The following SDK1 variants were observed in gnomAD, a reference collection of about 807,000 sequenced individuals.
The protein encoded by SDK1 is protein sidekick-1.
A neutral mutation model predicts 245.5 loss-of-function variants in SDK1; 157 were observed. That is an observed-to-expected ratio of 0.64 (90% CI 0.56 to 0.73). The LOEUF is 0.73. Among genes scored for constraint, SDK1 ranks in the 30% least tolerant of loss-of-function variants. The pLI is 0.00. For missense variants in SDK1, 3,583 were observed against 3,002.3 expected (o/e 1.19, Z -4.52); for synonymous variants, 1,647 against 1,278.5 (o/e 1.29, Z -6.15).
chr7:3,838,868 A>G (rs140200825), intron 5 of SDK1, among the ~76,000 whole-genome samples: 116 of 152,366 alleles, frequency 7.6e-4, no homozygotes, highest in Middle Eastern at 6.8e-3. Context: ...ACAGGGAAAT[A>G]TAAGTTAGAC....
chr7:3,408,047 T>C (rs1779098654), intron 1 of SDK1, among the ~76,000 whole-genome samples: 1 of 147,328 alleles, frequency 6.8e-6, no homozygotes, highest in Admixed American at 6.8e-5. Flanking sequence ...CATTCTTTCA[T>C]TTTTTTTTTT....
At chr7:4,156,219 G>T (rs953011994) in intron 30 of SDK1, among the ~76,000 whole-genome samples, 6 of 152,150 alleles carry the variant, frequency 3.9e-5, no homozygotes, top group African/African-American at 1.2e-4. Context: ...AGCCAGTGGG[G>T]CTATGGTGGG....
intron 1 of SDK1, among the ~76,000 whole-genome samples, chr7:3,467,252 C>T (rs1160548554): frequency 6.6e-6 from 1 of 151,868 alleles, no homozygotes; most frequent in Non-Finnish European, 1.5e-5. Context: ...ATTAAAAGCA[C>T]AGTGAAATTT....
chr7:3,602,413 T>C (rs1288980592), intron 1 of SDK1, among the ~76,000 whole-genome samples: 2 of 150,870 alleles, frequency 1.3e-5, no homozygotes, highest in Non-Finnish European at 3.0e-5. Context: ...TTGATTTGCA[T>C]TTATCTGATG....
chr7:3,642,152 C>G (rs1306815223), intron 4 of SDK1, 47 bp downstream of exon 4: 2 of 1,575,722 alleles, frequency 1.3e-6, no homozygotes, highest in Middle Eastern at 1.7e-4. Context: ...TGTAATGTCA[C>G]TTGCTGGCAC....
chr7:4,154,278 G>A lies in SDK1; in HGVS notation c.4626-4170G>A, dbSNP rs562977662. On this transcript the variant is annotated intron_variant, in intron 30 of 44. Coordinates refer to ENST00000404826, the MANE Select transcript of SDK1 (RefSeq NM_152744.4). ...TACAAACTGGCTTTCTAAATATATC[G>A]GTTATTGATTTGGGGTAAGCAAGAG... Among the ~76,000 whole-genome samples, 301 of 152,284 alleles carry A rather than the reference G, an allele frequency of 2.0e-3. 1 individual carries two copies. Among genetic ancestry groups the A allele is most frequent in the African/African-American group, 7.0e-3 (289 of 41,550 alleles).
chr7:3,738,135 G>T (rs73304220), intron 4 of SDK1, among the ~76,000 whole-genome samples: 2 of 152,134 alleles, frequency 1.3e-5, no homozygotes, highest in African/African-American at 4.8e-5. Flanking sequence ...ATCCAACATC[G>T]TGAATCTTCT....
chr7:3,790,892 G>A (rs879360979), intron 4 of SDK1, among the ~76,000 whole-genome samples: 5 of 152,040 alleles, frequency 3.3e-5, no homozygotes, highest in Admixed American at 1.3e-4. Flanking sequence ...ATTCATTTTG[G>A]GGGCAGAAGC....
At chr7:3,611,583 A>G (rs1781590990) in intron 1 of SDK1, among the ~76,000 whole-genome samples, 1 of 152,110 alleles carries the variant, frequency 6.6e-6, no homozygotes, top group Non-Finnish European at 1.5e-5. Context: ...TTGCTAGATG[A>G]AAGGGTAGTT....
intron 23 of SDK1, among the ~76,000 whole-genome samples, chr7:4,111,929 A>G (rs1396164790): frequency 6.6e-6 from 1 of 152,228 alleles, no homozygotes. Flanking sequence ...TTTTATAGTT[A>G]AGGAAACGGA....
intron 7 of SDK1, among the ~76,000 whole-genome samples, chr7:3,955,132 G>A (rs568341979): frequency 6.6e-6 from 1 of 152,292 alleles, no homozygotes; most frequent in Admixed American, 6.5e-5. Context: ...CGATGGCTCG[G>A]AAACTCGGAC....
intron 4 of SDK1, among the ~76,000 whole-genome samples, chr7:3,699,749 A>G (rs916616975): frequency 6.6e-6 from 1 of 152,208 alleles, no homozygotes; most frequent in Non-Finnish European, 1.5e-5. Context: ...AGATTTCCTG[A>G]ATATGGCATT....
chr7:3,901,863 G>C (rs1037854302), intron 5 of SDK1, among the ~76,000 whole-genome samples: 3 of 152,016 alleles, frequency 2.0e-5, no homozygotes, highest in Non-Finnish European at 2.9e-5. Context: ...CTTGTTCTTT[G>C]TGTTAATTGA....
intron 1 of SDK1, among the ~76,000 whole-genome samples, chr7:3,486,959 A>G (rs1201616203): frequency 6.6e-6 from 1 of 152,200 alleles, no homozygotes; most frequent in African/African-American, 2.4e-5. Flanking sequence ...TTGCTTTGCT[A>G]AGATTGTATT....
intron 1 of SDK1, among the ~76,000 whole-genome samples, chr7:3,602,276 T>C (rs1781277665): frequency 6.6e-6 from 1 of 151,304 alleles, no homozygotes; most frequent in Admixed American, 6.6e-5. Flanking sequence ...ATGGTTGAAC[T>C]AGTTTACAGT....
intron 1 of SDK1, among the ~76,000 whole-genome samples, chr7:3,346,589 A>G (rs7811986): frequency 0.2 from 29,769 of 149,490 alleles, 3,279 homozygotes; most frequent in African/African-American, 0.31. Context: ...TCATGACTCA[A>G]CTGCAGTCTC....
intron 2 of SDK1, among the ~76,000 whole-genome samples, chr7:3,623,815 A>G (rs1054180530): frequency 6.6e-6 from 1 of 152,196 alleles, no homozygotes; most frequent in Non-Finnish European, 1.5e-5. Context: ...GAATAATTGT[A>G]TACTCTAAAC....
intron 1 of SDK1, among the ~76,000 whole-genome samples, chr7:3,458,810 T>G (rs1378064153): frequency 6.6e-6 from 1 of 152,170 alleles, no homozygotes; most frequent in Non-Finnish European, 1.5e-5. Context: ...AAATACAGAT[T>G]ACGTTTCATT....
chr7:3,611,761 C>G (rs114710632), intron 1 of SDK1, among the ~76,000 whole-genome samples: 4,704 of 151,842 alleles, frequency 0.031, 219 homozygotes, highest in African/African-American at 0.1. Flanking sequence ...AAATGCAAAT[C>G]GAAACCACAA....
Sources: allele counts gnomAD v4.1 joint callset (sites outside exome capture counted in the v4.1 genomes callset), GRCh38; gene constraint gnomAD v4.1.1; transcripts MANE v1.5; gene names NCBI Gene and HGNC (gene_info 2026-07-23, HGNC 2026-07-21).